Variants in CRADD observed in about 807,000 individuals in gnomAD.
CRADD encodes the protein death domain-containing protein CRADD.
CRADD carries 9 observed loss-of-function variants against 15.5 expected under a neutral mutation model. The observed-to-expected ratio is 0.58, with a 90% CI of 0.35 to 1.01. CRADD has a LOEUF of 1.01. CRADD is among the 50% of genes least tolerant of loss of function. The pLI, the probability that CRADD is intolerant of heterozygous loss-of-function variation, is 0.02. For synonymous variants in CRADD, 118 were observed against 107.6 expected (o/e 1.10, Z -0.60); for missense variants, 227 against 250.3 (o/e 0.91, Z 0.63).
chr12:93,801,368 T>G (rs968954419), intron 2 of CRADD, among the ~76,000 whole-genome samples: 21 of 152,200 alleles, frequency 1.4e-4, no homozygotes, highest in African/African-American at 4.8e-4. Flanking sequence ...TGATTGGCCT[T>G]AGATGTAGTT....
chr12:93,828,458 A>G (rs192777175), intron 2 of CRADD, among the ~76,000 whole-genome samples: 2 of 152,330 alleles, frequency 1.3e-5, no homozygotes, highest in East Asian at 3.9e-4. Flanking sequence ...ATTTGGGTCT[A>G]TGATCCATGT....
At chr12:93,749,579 A>G (rs1051189137) in intron 2 of CRADD, among the ~76,000 whole-genome samples, 4 of 151,340 alleles carry the variant, frequency 2.6e-5, no homozygotes, top group African/African-American at 9.7e-5. Flanking sequence ...AATAATTTTA[A>G]GTCACTTTTC....
intron 2 of CRADD, among the ~76,000 whole-genome samples, chr12:93,793,835 C>T (rs577461096): frequency 2.0e-5 from 3 of 152,260 alleles, no homozygotes; most frequent in African/African-American, 7.2e-5. Context: ...AAAAACCTTC[C>T]TTGACTACTA....
chr12:93,844,906 G>T (rs894888274), intron 2 of CRADD, among the ~76,000 whole-genome samples: 1 of 152,178 alleles, frequency 6.6e-6, no homozygotes, highest in Non-Finnish European at 1.5e-5. Flanking sequence ...GTTCCTGAGG[G>T]TTCCTCCTAA....
intron 2 of CRADD, among the ~76,000 whole-genome samples, chr12:93,770,966 AGAGT>A: frequency 6.6e-6 from 1 of 152,340 alleles, no homozygotes; most frequent in East Asian, 1.9e-4. Context: ...CTTTGTACAT[AGAGT>A]ATCTTTCCAT....
intron 2 of CRADD, among the ~76,000 whole-genome samples, chr12:93,693,935 T>A (rs1955636670): frequency 6.6e-6 from 1 of 152,108 alleles, no homozygotes; most frequent in Non-Finnish European, 1.5e-5. Flanking sequence ...TTTCTCAAAC[T>A]CTTCTACAAA....
At chr12:93,709,908 T>C (rs189603048) in intron 2 of CRADD, among the ~76,000 whole-genome samples, 8 of 152,242 alleles carry the variant, frequency 5.3e-5, no homozygotes, top group Non-Finnish European at 8.8e-5. Flanking sequence ...AGAACTTGCC[T>C]TTCTTGAAAA....
chr12:93,821,291 T>C (rs1957767044), intron 2 of CRADD, among the ~76,000 whole-genome samples: 1 of 152,216 alleles, frequency 6.6e-6, no homozygotes, highest in Non-Finnish European at 1.5e-5. Context: ...TACTCATTTA[T>C]ATTCCCTACC....
At chr12:93,727,592 C>T (rs1022088143) in intron 2 of CRADD, among the ~76,000 whole-genome samples, 1 of 152,154 alleles carries the variant, frequency 6.6e-6, no homozygotes, top group Non-Finnish European at 1.5e-5. Flanking sequence ...GGCCAGTTAG[C>T]AACTGAAGCT....
At chr12:93,738,341 T>C (rs1194280007) in intron 2 of CRADD, 1 of 702,050 alleles carries the variant, frequency 1.4e-6, no homozygotes, top group Non-Finnish European at 2.6e-6. Flanking sequence ...CTCTGCCTTT[T>C]TGAAGCCTGT....
At chr12:93,757,228 A>C (rs1956901142) in intron 2 of CRADD, among the ~76,000 whole-genome samples, 1 of 152,232 alleles carries the variant, frequency 6.6e-6, no homozygotes, top group Non-Finnish European at 1.5e-5. Flanking sequence ...TACTCCAGGT[A>C]GAGTTTTCAT....
intron 2 of CRADD, among the ~76,000 whole-genome samples, chr12:93,868,440 A>G (rs1958389444): frequency 6.6e-6 from 1 of 152,200 alleles, no homozygotes; most frequent in Non-Finnish European, 1.5e-5. Context: ...CTTATTATTG[A>G]ATACTTGGAA....
In CRADD at chr12:93,839,434, A is replaced by G. The variant is rs138175390; in HGVS notation, c.299-10536A>G. ...AAGCTTTACACAAACAACCTAATAC[A>G]TGTCCCTTACAGGTCTTTTTTAGAA... On this transcript the variant is annotated intron_variant, in intron 2 of 2. Coordinates refer to ENST00000332896, the MANE Select transcript of CRADD (RefSeq NM_003805.5). Among the ~76,000 whole-genome samples the G allele has an allele frequency of 1.9e-4, 29 of 152,308 alleles. No homozygotes were observed. The East Asian group carries it at 4.8e-3, about 25-fold the overall frequency.
chr12:93,738,393 A>G (rs1202097479), intron 2 of CRADD: 7 of 702,218 alleles, frequency 1.0e-5, no homozygotes, highest in Non-Finnish European at 1.8e-5. Flanking sequence ...GAATTCTTCC[A>G]TGAGATGCAG....
downstream of CRADD, among the ~76,000 whole-genome samples, chr12:93,853,835 C>T (rs1469131062): frequency 3.9e-5 from 6 of 152,190 alleles, no homozygotes; most frequent in Admixed American, 3.9e-4. Context: ...TATTCGCTGC[C>T]GTCATTTTCA....
At chr12:93,807,516 A>T (rs943857192) in intron 2 of CRADD, among the ~76,000 whole-genome samples, 1 of 152,162 alleles carries the variant, frequency 6.6e-6, no homozygotes, top group Non-Finnish European at 1.5e-5. Context: ...GACATTTATT[A>T]TCTACCATGT....
chr12:93,851,628 G>T (rs1364377820), downstream of CRADD, among the ~76,000 whole-genome samples: 1 of 152,242 alleles, frequency 6.6e-6, no homozygotes, highest in African/African-American at 2.4e-5. Context: ...AAGCTGAATA[G>T]TGGCTGAAAG....
At chr12:93,867,404 T>TATATATATATATATATATATATATA (rs1491540248) in intron 2 of CRADD, among the ~76,000 whole-genome samples, 7 of 127,320 alleles carry the variant, frequency 5.5e-5, no homozygotes, top group Non-Finnish European at 8.7e-5. Context: ...TATATATATA[T>TATATATATATATATATATATATATA]TTTTTAAACT....
Position 93,703,829 on chromosome 12 carries a change from A to G in CRADD, c.298+24757A>G, listed in dbSNP as rs148422653. Among the ~76,000 whole-genome samples the G allele has an allele frequency of 5.0e-3, 760 of 152,276 alleles. 3 individuals are homozygous for G. The highest frequency in any genetic ancestry group is 0.017 in the African/African-American group (694 of 41,542). On this transcript the variant is annotated intron_variant, in intron 2 of 2. Coordinates refer to ENST00000332896, the MANE Select transcript of CRADD (RefSeq NM_003805.5). ...AGGAAATTGACATTGGTGCAATACT[A>G]GTAATTCAAGAACAGACCTTATTGG...
Sources: allele counts gnomAD v4.1 joint callset (sites outside exome capture counted in the v4.1 genomes callset), GRCh38; gene constraint gnomAD v4.1.1; transcripts MANE v1.5; gene names NCBI Gene and HGNC (gene_info 2026-07-23, HGNC 2026-07-21).